The following MDGA2 variants were observed in gnomAD, a reference collection of about 807,000 sequenced individuals.
MDGA2 encodes the protein MAM domain-containing glycosylphosphatidylinositol anchor protein 2.
A neutral mutation model predicts 117.8 loss-of-function variants in MDGA2; 40 were observed. The observed-to-expected ratio is 0.34, with a 90% CI of 0.26 to 0.44. The LOEUF is 0.44. MDGA2 is among the 20% of genes least tolerant of loss of function. MDGA2 has a pLI of 1.00. For synonymous variants in MDGA2, 452 were observed against 439.0 expected, an observed-to-expected ratio of 1.03 and a Z score of -0.37; for missense variants, 1,123 against 1,250.6, an observed-to-expected ratio of 0.90 and a Z score of 1.54.
chr14:47,157,526 C>T (rs1230208007), intron 3 of MDGA2, among the ~76,000 whole-genome samples: 2 of 152,032 alleles, frequency 1.3e-5, no homozygotes, highest in African/African-American at 4.8e-5. Flanking sequence ...CTCTTCCTCA[C>T]TCATTTTCTA....
At chr14:47,180,084 A>G (rs564397901) in intron 3 of MDGA2, among the ~76,000 whole-genome samples, 44 of 152,138 alleles carry the variant, frequency 2.9e-4, no homozygotes, top group Non-Finnish European at 5.7e-4. Context: ...TCACATAGGT[A>G]AAATTGCGTC....
At chr14:47,291,217 T>C (rs1239135925) in intron 2 of MDGA2, among the ~76,000 whole-genome samples, 1 of 152,162 alleles carries the variant, frequency 6.6e-6, no homozygotes, top group Non-Finnish European at 1.5e-5. Flanking sequence ...CAAAATTAAC[T>C]GATAAAATGA....
At chr14:47,009,172 C>T (rs1290793088) in intron 8 of MDGA2, among the ~76,000 whole-genome samples, 1 of 151,890 alleles carries the variant, frequency 6.6e-6, no homozygotes, top group African/African-American at 2.4e-5. Context: ...TCACATTTTC[C>T]ACATAAATCA....
At chr14:46,946,144 G>C (rs762938681) in intron 9 of MDGA2, among the ~76,000 whole-genome samples, 1 of 151,926 alleles carries the variant, frequency 6.6e-6, no homozygotes, top group Non-Finnish European at 1.5e-5. Flanking sequence ...AAAAATTAAG[G>C]TATGAGATCT....
chr14:47,440,754 C>A, intron 1 of MDGA2, among the ~76,000 whole-genome samples: 1 of 152,064 alleles, frequency 6.6e-6, no homozygotes, highest in Non-Finnish European at 1.5e-5. Context: ...ATCTTCCTCT[C>A]ACTCTAGGGG....
intron 1 of MDGA2, among the ~76,000 whole-genome samples, chr14:47,431,489 A>G (rs9323138): frequency 0.65 from 98,344 of 151,798 alleles, 32,042 homozygotes; most frequent in Middle Eastern, 0.74. Flanking sequence ...CAGGCACACA[A>G]AAAGAATTTG....
intron 1 of MDGA2, among the ~76,000 whole-genome samples, chr14:47,366,628 C>A (rs1372447561): frequency 6.6e-6 from 1 of 151,926 alleles, no homozygotes; most frequent in African/African-American, 2.4e-5. Flanking sequence ...TCGTCTGTTA[C>A]AAAAAATATG....
intron 1 of MDGA2, among the ~76,000 whole-genome samples, chr14:47,419,877 C>A (rs1892544173): frequency 6.6e-6 from 1 of 151,852 alleles, no homozygotes; most frequent in African/African-American, 2.4e-5. Context: ...TCATACTTAT[C>A]AAAGGTTGAA....
At chr14:47,377,214 T>A (rs987285270) in intron 1 of MDGA2, among the ~76,000 whole-genome samples, 2 of 152,144 alleles carry the variant, frequency 1.3e-5, no homozygotes, top group Admixed American at 1.3e-4. Context: ...TTAAATGTGA[T>A]AAAGCTGAAG....
intron 2 of MDGA2, among the ~76,000 whole-genome samples, chr14:47,233,436 A>G (rs1029606629): frequency 6.6e-6 from 1 of 152,140 alleles, no homozygotes; most frequent in Non-Finnish European, 1.5e-5. Context: ...GCTAGCAATT[A>G]TGTGAACATA....
At chr14:47,509,905 T>C (rs1894603070) in intron 1 of MDGA2, among the ~76,000 whole-genome samples, 1 of 152,212 alleles carries the variant, frequency 6.6e-6, no homozygotes, top group Non-Finnish European at 1.5e-5. Context: ...AAATGATGTT[T>C]AGATTAGACT....
intron 1 of MDGA2, among the ~76,000 whole-genome samples, chr14:47,665,821 C>CGCCCCT (rs1491289817): frequency 7.4e-6 from 1 of 134,408 alleles, no homozygotes; most frequent in Non-Finnish European, 1.6e-5. Flanking sequence ...CCCTCCCCCC[C>CGCCCCT]GCCCCCGCCC....
chr14:47,124,929 G>A (rs565360936), intron 5 of MDGA2, among the ~76,000 whole-genome samples: 5 of 152,236 alleles, frequency 3.3e-5, no homozygotes, highest in East Asian at 3.9e-4. Flanking sequence ...AATTTCTACC[G>A]TTTCAGTCAC....
intron 1 of MDGA2, among the ~76,000 whole-genome samples, chr14:47,430,086 G>A (rs1165762539): frequency 6.6e-6 from 1 of 151,276 alleles, no homozygotes; most frequent in African/African-American, 2.4e-5. Context: ...CAGATCTACA[G>A]GTACAGTTCC....
intron 9 of MDGA2, among the ~76,000 whole-genome samples, chr14:46,954,006 C>G (rs1007566465): frequency 6.6e-5 from 10 of 152,032 alleles, no homozygotes; most frequent in Non-Finnish European, 1.3e-4. Flanking sequence ...CATCTTTTCT[C>G]TGCTATATTG....
chr14:47,556,119 G>A (rs745810864), intron 1 of MDGA2, among the ~76,000 whole-genome samples: 3 of 152,136 alleles, frequency 2.0e-5, no homozygotes, highest in Non-Finnish European at 4.4e-5. Flanking sequence ...ATTCGGGTGG[G>A]TAGCTTCACT....
Position 46,966,292 on chromosome 14 carries a change from T to C in MDGA2, c.1820-8649A>G, listed in dbSNP as rs117794647. On this transcript the variant is annotated intron_variant, in intron 8 of 16. Transcript: ENST00000399232. ...CAAGGCAATCTGATTTCAGAATGCA[T>C]GCTCTTAAAAACAGCCTATGTCACA... Among the ~76,000 whole-genome samples, 557 of 152,322 alleles carry C rather than the reference T, an allele frequency of 3.7e-3. 1 individual carries two copies. Among genetic ancestry groups the C allele is most frequent in the Non-Finnish European group, 6.0e-3 (409 of 68,018 alleles).
intron 1 of MDGA2, among the ~76,000 whole-genome samples, chr14:47,364,250 T>C (rs962005153): frequency 2.0e-5 from 3 of 152,160 alleles, no homozygotes; most frequent in Non-Finnish European, 4.4e-5. Context: ...AATTTGTTAA[T>C]CCAGAATTAT....
intron 1 of MDGA2, among the ~76,000 whole-genome samples, chr14:47,433,145 G>T (rs1333826019): frequency 6.6e-6 from 1 of 151,914 alleles, no homozygotes; most frequent in East Asian, 1.9e-4. Flanking sequence ...AGTGTTTGAG[G>T]GGAAATATTA....
Sources: allele counts gnomAD v4.1 joint callset (sites outside exome capture counted in the v4.1 genomes callset), GRCh38; gene constraint gnomAD v4.1.1; transcripts MANE v1.5; gene names NCBI Gene and HGNC (gene_info 2026-07-23, HGNC 2026-07-21).